LTA4H: variants seen among roughly 807,000 people sequenced by gnomAD.
The protein encoded by LTA4H is leukotriene A-4 hydrolase.
LTA4H carries 59 observed loss-of-function variants against 89.8 expected under a neutral mutation model. The ratio of observed to expected loss-of-function variants is 0.66; its 90% CI spans 0.53 to 0.82. The LOEUF is 0.82. Among genes scored for constraint, LTA4H ranks in the 40% least tolerant of loss-of-function variants. The probability of loss-of-function intolerance (pLI) is 0.00; values close to 1 mark genes in which losing one functional copy is unlikely to be tolerated. For synonymous variants in LTA4H, 227 were observed against 253.1 expected (o/e 0.90, Z 0.98); for missense variants, 617 against 727.0 (o/e 0.85, Z 1.74).
intron 1 of LTA4H, 73 bp from the exon 2 acceptor site, chr12:96,029,258 A>T (rs1950547245): frequency 2.1e-5 from 17 of 796,302 alleles, no homozygotes; most frequent in Non-Finnish European, 1.9e-5. Flanking sequence ...GATATAGGCT[A>T]CAACAACTAG....
In LTA4H at chr12:96,017,125, C is replaced by G; in HGVS notation, c.877-11G>C. Reference sequence around the variant, plus strand: ...TTCATGTGCAATGACCTAAAGAAAACAGTGTGATTAATAGTAAGACTGATT... The same window carrying G: ...TTCATGTGCAATGACCTAAAGAAAAGAGTGTGATTAATAGTAAGACTGATT... On this transcript the variant is annotated splice_polypyrimidine_tract_variant and intron_variant, in intron 9 of 18. Coordinates refer to ENST00000228740, the MANE Select transcript of LTA4H (RefSeq NM_000895.3). The G allele has an allele frequency of 6.4e-7, 1 of 1,572,244 alleles. No individual in the cohort carries two copies.
At chr12:96,014,488 G>A (rs1950347881) in intron 12 of LTA4H, among the ~76,000 whole-genome samples, 1 of 152,040 alleles carries the variant, frequency 6.6e-6, no homozygotes, top group African/African-American at 2.4e-5. Context: ...AAAATGATCT[G>A]GAGCCATTTA....
upstream of LTA4H, among the ~76,000 whole-genome samples, chr12:96,036,759 G>T (rs1950651009): frequency 6.6e-6 from 1 of 152,208 alleles, no homozygotes; most frequent in African/African-American, 2.4e-5. Flanking sequence ...ATGTTAGGCT[G>T]TACTTGCATT....
rs543178555 is a variant in LTA4H at position 96,004,671 on chromosome 12, T to C, written c.1531-751A>G. On this transcript the variant is annotated intron_variant, in intron 16 of 18. Coordinates refer to ENST00000228740, the MANE Select transcript of LTA4H (RefSeq NM_000895.3). ...ATAACTCTCCCCTCCAACCACGACC[T>C]CCTTACCTTACAGGACTCCACACTC... 1.5e-4 allele frequency among the ~76,000 whole-genome samples: 23 copies of C among 152,256 alleles called. No individual in the cohort carries two copies. The East Asian group carries it at 4.2e-3, about 28-fold the overall frequency.
rs1445631840 is a variant in LTA4H at position 96,018,341 on chromosome 12, AGGATCGAGACTACCCT to A, written c.852+406_852+421del. On this transcript the variant is annotated intron_variant, in intron 8 of 18. Transcript: ENST00000228740. Reference sequence around the variant, plus strand: ...CAAGGCAGGTGGATCACGAGGTCAGAGGATCGAGACTACCCTGGCCAATATAGTGAAACCCCATCTC... The same window carrying A: ...CAAGGCAGGTGGATCACGAGGTCAGAGGCCAATATAGTGAAACCCCATCTC... 1.4e-4 allele frequency among the ~76,000 whole-genome samples: 21 copies of A among 152,274 alleles called. No homozygotes were observed. The East Asian group carries it at 3.9e-3, about 28-fold the overall frequency.
intron 9 of LTA4H, among the ~76,000 whole-genome samples, 160 bp from the exon 10 acceptor site, chr12:96,017,274 TAC>T (rs748550783): frequency 4.0e-5 from 6 of 151,770 alleles, no homozygotes; most frequent in Admixed American, 6.6e-5. Context: ...ACCAAAGACA[TAC>T]ACACACACAC....
At chr12:96,001,143 G>A (rs560320858) in intron 18 of LTA4H, 37 bp from the exon 19 acceptor site, 12 of 1,334,072 alleles carry the variant, frequency 9.0e-6, no homozygotes, top group African/African-American at 5.8e-5. Flanking sequence ...AAAGAAAGGC[G>A]AGAAGGAGAC....
chr12:96,036,010 T>C (rs187633357), upstream of LTA4H, among the ~76,000 whole-genome samples: 1 of 152,294 alleles, frequency 6.6e-6, no homozygotes, highest in East Asian at 1.9e-4. Flanking sequence ...GAAGGCTTTC[T>C]TTCGTGCGGT....
In LTA4H at chr12:96,035,422, C is replaced by T; in HGVS notation, c.98G>A (p.Arg33Gln). 2 of 1,610,798 alleles carry T rather than the reference C, an allele frequency of 1.2e-6. No individual in the cohort carries two copies. The highest frequency in any genetic ancestry group is 8.5e-7 in the Non-Finnish European group (1 of 1,178,666). The change falls in exon 1 of 19, where the codon CGG becomes CAG. Residue 33 changes from arginine (R) to glutamine (Q), a missense_variant. Coordinates refer to ENST00000228740, the MANE Select transcript of LTA4H (RefSeq NM_000895.3). ...GAGAGCAGCAGTCCCGGTCAGCGTC[C>T]GGCGAGTAAAGTCGACGCTGCAGCG... The part of the protein sequence containing the change: ...HLRCSVDFTR[R>Q]TLTGTAALTV...
chr12:96,001,245 G>A, intron 18 of LTA4H, 139 bp from the exon 19 acceptor site: 1 of 626,656 alleles, frequency 1.6e-6, no homozygotes, highest in Non-Finnish European at 2.8e-6. Context: ...AAGAACACAA[G>A]TCAATACCCA....
intron 16 of LTA4H, 39 bp from the exon 17 acceptor site, chr12:96,003,959 C>G (rs369735924): frequency 7.8e-7 from 1 of 1,285,532 alleles, no homozygotes; most frequent in Admixed American, 1.9e-5. Flanking sequence ...ATCATTTCAA[C>G]AGGATTCCTT....
intron 14 of LTA4H, 151 bp from the exon 15 acceptor site, chr12:96,009,299 C>T (rs915348829): frequency 1.7e-6 from 1 of 602,302 alleles, no homozygotes; most frequent in Non-Finnish European, 2.9e-6. Context: ...TTTTACCTAA[C>T]TTACATACTA....
chr12:96,016,923 A>G, intron 10 of LTA4H, 121 bp downstream of exon 10: 1 of 719,178 alleles, frequency 1.4e-6, no homozygotes, highest in East Asian at 2.5e-5. Context: ...ATCCTTGCCT[A>G]CCTAAGAGAT....
chr12:96,019,211 GACCAC>G lies in LTA4H; in HGVS notation c.663_667del (p.Trp222Ter). 6.2e-7 allele frequency: 1 copy of G among 1,612,626 alleles called. No individual in the cohort carries two copies. The highest frequency in any genetic ancestry group is 8.5e-7 in the Non-Finnish European group (1 of 1,179,670). ...AGACTTTTCCACCTGCTCTTTCTCA[GACCAC>G]ACCAAAGTTCTTGGGCCAATTTGCC... On this transcript the variant is annotated frameshift_variant, in exon 7 of 19. Coordinates refer to ENST00000228740, the MANE Select transcript of LTA4H (RefSeq NM_000895.3). LOFTEE classifies it high-confidence loss of function.
At chr12:96,024,598 C>A in intron 3 of LTA4H, 51 bp from the exon 4 acceptor site, 1 of 1,133,086 alleles carries the variant, frequency 8.8e-7, no homozygotes, top group South Asian at 1.3e-5. Flanking sequence ...TCGCATAAGT[C>A]ATTAAGAAAT....
At chr12:96,033,940 T>C (rs1386036828) in intron 1 of LTA4H, among the ~76,000 whole-genome samples, 2 of 152,260 alleles carry the variant, frequency 1.3e-5, no homozygotes, top group Non-Finnish European at 2.9e-5. Flanking sequence ...TTCCTGCTTA[T>C]AATATCTTAA....
rs533662179 is a variant in LTA4H, at chr12:96,010,397, G to A, written c.1380-1249C>T. On this transcript the variant is annotated intron_variant, in intron 14 of 18. Coordinates refer to ENST00000228740, the MANE Select transcript of LTA4H (RefSeq NM_000895.3). ...AAAGTTAGAACTGTGCAACTGCTAC[G>A]AAGAGAGGATATAGCACTAAAAAGC... The A allele has an allele frequency of 3.9e-5, 6 of 152,274 alleles. No homozygotes were observed. The Middle Eastern group carries it at 0.01, about 259-fold the overall frequency. The allele number at this position is 152,274 out of a possible 1,614,324, so 9.4% of individuals were successfully genotyped here. A position where few individuals can be genotyped will look rare whatever the true frequency, so the allele number is the denominator to read the frequency against.
chr12:96,027,626 A>T (rs1365482403), intron 2 of LTA4H, 62 bp from the exon 3 acceptor site: 1 of 1,038,284 alleles, frequency 9.6e-7, no homozygotes, highest in Non-Finnish European at 1.4e-6. Context: ...ATTTAAACTC[A>T]TAATACATAC....
In LTA4H at chr12:96,018,902, G is replaced by C; in HGVS notation, c.713C>G (p.Thr238Ser). Residue 238 changes from threonine (T) to serine (S), a missense_variant and splice_region_variant, in exon 8 of 19, where the codon ACT (threonine) becomes AGT (serine). Thr to Ser is a moderately conservative substitution (Grantham distance 58, BLOSUM62 1). This residue lies in a region of LTA4H where 172 missense variants were observed against 244.5 expected (regional missense o/e 0.70). Transcript: ENST00000228740. ...VEKSAYEFSETESMLKIAEDL... is the reference protein window; with the variant it reads ...VEKSAYEFSESESMLKIAEDL... Reference sequence around the variant, plus strand: ...TTCTGCTATTTTAAGCATAGATTCAGTCTGAAAAATCAACATATATATGTC... The same window carrying C: ...TTCTGCTATTTTAAGCATAGATTCACTCTGAAAAATCAACATATATATGTC... 6.3e-7 allele frequency: 1 copy of C among 1,576,260 alleles called. No homozygotes were observed. The highest frequency in any genetic ancestry group is 8.6e-7 in the Non-Finnish European group (1 of 1,165,968).
Sources: allele counts gnomAD v4.1 joint callset (sites outside exome capture counted in the v4.1 genomes callset), GRCh38; gene constraint gnomAD v4.1.1; regional missense constraint gnomAD v4.1.1; transcripts MANE v1.5; gene names NCBI Gene and HGNC (gene_info 2026-07-23, HGNC 2026-07-21).